SLC39A11: variants seen among roughly 807,000 people sequenced by gnomAD.
SLC39A11 encodes zinc transporter ZIP11.
A neutral mutation model predicts 36.1 loss-of-function variants in SLC39A11; 33 were observed. That is an observed-to-expected ratio of 0.91 (90% CI 0.69 to 1.22). The LOEUF is 1.22. SLC39A11 is among the 50% of genes most tolerant of loss of function. The pLI, the probability that SLC39A11 is intolerant of heterozygous loss-of-function variation, is 0.00. For synonymous variants in SLC39A11, 166 were observed against 170.3 expected (o/e 0.97, Z 0.20); for missense variants, 432 against 430.3 (o/e 1.00, Z -0.03).
intron 5 of SLC39A11, among the ~76,000 whole-genome samples, chr17:72,885,285 C>A (rs1319418124): frequency 6.6e-6 from 1 of 151,926 alleles, no homozygotes; most frequent in Non-Finnish European, 1.5e-5. Context: ...ATACTCAACT[C>A]CAGTTTCATA....
At chr17:72,660,047 C>T (rs1302777925) in intron 7 of SLC39A11, among the ~76,000 whole-genome samples, 1 of 152,120 alleles carries the variant, frequency 6.6e-6, no homozygotes, top group Non-Finnish European at 1.5e-5. Flanking sequence ...GAGGCAGATG[C>T]CTGTGCTGAG....
intron 5 of SLC39A11, among the ~76,000 whole-genome samples, chr17:72,861,688 T>TATATATATATATATATA (rs1169877556): frequency 1.1e-4 from 10 of 88,780 alleles, no homozygotes; most frequent in Admixed American, 3.5e-4. Context: ...TATATATATA[T>TATATATATATATATATA]AAAATATATA....
Position 72,935,665 on chromosome 17 carries a change from C to T in SLC39A11, c.430+12087G>A, listed in dbSNP as rs561290033. On this transcript the variant is annotated intron_variant, in intron 5 of 9. Coordinates refer to ENST00000255559, the MANE Select transcript of SLC39A11 (RefSeq NM_139177.4). Reference sequence around the variant, plus strand: ...GATCTTGGCTCACTGCTGCCTCTACCTCCCGGGTCCCGGTTCAAGCAATTC... The same window carrying T: ...GATCTTGGCTCACTGCTGCCTCTACTTCCCGGGTCCCGGTTCAAGCAATTC... Among the ~76,000 whole-genome samples the T allele has an allele frequency of 2.0e-4, 31 of 152,342 alleles. No individual in the cohort carries two copies. The South Asian group carries it at 6.4e-3, about 32-fold the overall frequency.
rs1299105997 is a variant in SLC39A11, at chr17:72,999,298, C to T, written c.306+32258G>A. On this transcript the variant is annotated intron_variant, in intron 4 of 9. Coordinates refer to ENST00000255559, the MANE Select transcript of SLC39A11 (RefSeq NM_139177.4). Reference sequence around the variant, plus strand: ...CTGCCATCCTCAAAAATTTACATCTCTCCCCAGCCATCTCTTTGTCTGGAA... The same window carrying T: ...CTGCCATCCTCAAAAATTTACATCTTTCCCCAGCCATCTCTTTGTCTGGAA... Among the ~76,000 whole-genome samples the T allele has an allele frequency of 2.3e-4, 35 of 152,196 alleles. 1 individual carries two copies. Among genetic ancestry groups the T allele is most frequent in the Admixed American group, 2.3e-3 (35 of 15,282 alleles).
chr17:73,057,030 A>G (rs2144105291), intron 3 of SLC39A11, among the ~76,000 whole-genome samples: 1 of 152,152 alleles, frequency 6.6e-6, no homozygotes, highest in Non-Finnish European at 1.5e-5. Context: ...TATGATTTCA[A>G]CTCACTGCAA....
intron 5 of SLC39A11, among the ~76,000 whole-genome samples, chr17:72,873,392 C>T (rs35649600): frequency 0.54 from 81,734 of 151,896 alleles, 23,236 homozygotes; most frequent in African/African-American, 0.72. Flanking sequence ...TGCTAAACTA[C>T]CCTTGAAAAA....
intron 3 of SLC39A11, among the ~76,000 whole-genome samples, chr17:73,045,961 A>T (rs1196952306): frequency 6.6e-6 from 1 of 152,190 alleles, no homozygotes; most frequent in African/African-American, 2.4e-5. Flanking sequence ...CAGCTGCTCA[A>T]GCCTCCCCAA....
At chr17:72,735,384 A>G (rs749566904) in intron 7 of SLC39A11, among the ~76,000 whole-genome samples, 145 of 152,270 alleles carry the variant, frequency 9.5e-4, no homozygotes, top group Non-Finnish European at 1.7e-3. Context: ...TAACCAGGGA[A>G]GGATGGAAAA....
chr17:73,050,274 G>A (rs1345628154), intron 3 of SLC39A11, among the ~76,000 whole-genome samples: 1 of 134,754 alleles, frequency 7.4e-6, no homozygotes, highest in African/African-American at 2.8e-5. Context: ...ATTCTAAATA[G>A]AAGGCATATC....
chr17:72,825,426 G>A (rs371517842), intron 6 of SLC39A11, among the ~76,000 whole-genome samples: 2 of 152,216 alleles, frequency 1.3e-5, no homozygotes, highest in Admixed American at 1.3e-4. Flanking sequence ...GTGCTGCAGG[G>A]GTGGAGCCCT....
chr17:72,900,062 AAG>A lies in SLC39A11; in HGVS notation c.430+47688_430+47689del, dbSNP rs576702587. 2.8e-3 allele frequency among the ~76,000 whole-genome samples: 392 copies of A among 140,252 alleles called. 10 individuals are homozygous for A. The highest frequency in any genetic ancestry group is 4.0e-3 in the Non-Finnish European group (249 of 61,986). 92.0% of individuals were successfully genotyped at this position (140,252 alleles called of 152,430 possible). On this transcript the variant is annotated intron_variant, in intron 5 of 9. Transcript: ENST00000255559. Reference sequence around the variant, plus strand: ...AGAGAGAGAGAAAGAGAAAGAAAGAAAGAGAGAGAGAGAAAGAGAGAAAGAGA... The same window carrying A: ...AGAGAGAGAGAAAGAGAAAGAAAGAAAGAGAGAGAGAAAGAGAGAAAGAGA...
chr17:73,069,338 C>T (rs751980279), intron 3 of SLC39A11, among the ~76,000 whole-genome samples: 1 of 152,226 alleles, frequency 6.6e-6, no homozygotes, highest in Non-Finnish European at 1.5e-5. Context: ...CGACCTTGAG[C>T]TCCTTGCAGG....
At chr17:72,978,289 T>C (rs1387804897) in intron 4 of SLC39A11, among the ~76,000 whole-genome samples, 1 of 152,160 alleles carries the variant, frequency 6.6e-6, no homozygotes, top group African/African-American at 2.4e-5. Flanking sequence ...CGAGCATTGT[T>C]CCCTGTGAGT....
Position 72,802,849 on chromosome 17 carries a change from G to A in SLC39A11, c.601+46785C>T, listed in dbSNP as rs552447020. 3.9e-5 allele frequency among the ~76,000 whole-genome samples: 6 copies of A among 152,204 alleles called. No homozygotes were observed. In the South Asian group the frequency reaches 1.2e-3, roughly 32 times the overall value. On this transcript the variant is annotated intron_variant, in intron 6 of 9. Coordinates refer to ENST00000255559, the MANE Select transcript of SLC39A11 (RefSeq NM_139177.4). ...TCTGTCAGCTGGTTTTATTTCCAGAGCCCAGGGAATGTGTCAAAACTATGG... is the reference window on the plus strand; with the variant it reads ...TCTGTCAGCTGGTTTTATTTCCAGAACCCAGGGAATGTGTCAAAACTATGG...
chr17:72,691,560 G>T (rs777592135), intron 7 of SLC39A11, among the ~76,000 whole-genome samples: 15 of 152,150 alleles, frequency 9.9e-5, no homozygotes, highest in Non-Finnish European at 1.9e-4. Flanking sequence ...ACAGTTCAGT[G>T]GCTGGATCAA....
At chr17:72,686,031 T>G (rs1035227771) in intron 7 of SLC39A11, among the ~76,000 whole-genome samples, 9 of 145,188 alleles carry the variant, frequency 6.2e-5, no homozygotes, top group Admixed American at 5.5e-4. Context: ...GACTCTGTCT[T>G]AAAAAAAAAA....
intron 4 of SLC39A11, among the ~76,000 whole-genome samples, chr17:72,963,563 G>A (rs2086778552): frequency 6.6e-6 from 1 of 152,140 alleles, no homozygotes; most frequent in Non-Finnish European, 1.5e-5. Context: ...TTTCTAGCAC[G>A]TTGACATTTC....
intron 5 of SLC39A11, among the ~76,000 whole-genome samples, chr17:72,943,659 C>A (rs913129902): frequency 1.3e-5 from 2 of 152,180 alleles, no homozygotes; most frequent in Non-Finnish European, 2.9e-5. Flanking sequence ...AGTAAATCCA[C>A]CTCTTGCTCT....
At chr17:73,052,011 T>C (rs535941588) in intron 3 of SLC39A11, among the ~76,000 whole-genome samples, 2 of 151,874 alleles carry the variant, frequency 1.3e-5, no homozygotes, top group South Asian at 4.1e-4. Context: ...GCTGTAAAAT[T>C]GGAATAACCA....
Sources: gnomAD v4.1 joint callset for allele counts (sites outside exome capture counted in the v4.1 genomes callset) on GRCh38, gnomAD v4.1.1 for gene constraint, MANE v1.5 for transcripts, NCBI Gene and HGNC (gene_info 2026-07-23, HGNC 2026-07-21) for gene names.